Variants in PLCB1 observed in about 807,000 individuals in gnomAD.
PLCB1 encodes phospholipase C beta 1, also known as 1-phosphatidylinositol 4,5-bisphosphate phosphodiesterase beta-1.
PLCB1 carries 46 observed loss-of-function variants against 161.8 expected under a neutral mutation model. The ratio of observed to expected loss-of-function variants is 0.28; its 90% CI spans 0.22 to 0.36. The LOEUF (loss-of-function observed/expected upper bound fraction) is 0.36, where lower values mean the gene tolerates loss of function less well. Among genes scored for constraint, PLCB1 ranks in the 10% least tolerant of loss-of-function variants. PLCB1 has a pLI of 1.00. For missense variants in PLCB1, 1,016 were observed against 1,472.5 expected, an observed-to-expected ratio of 0.69 and a Z score of 5.07; for synonymous variants, 517 against 503.7, an observed-to-expected ratio of 1.03 and a Z score of -0.35.
chr20:8,510,544 C>T (rs547278807), intron 3 of PLCB1, among the ~76,000 whole-genome samples: 1 of 152,098 alleles, frequency 6.6e-6, no homozygotes, highest in African/African-American at 2.4e-5. Context: ...GGCCACCACG[C>T]CCAGCTAATT....
At chr20:8,443,548 C>A (rs1980666516) in intron 3 of PLCB1, among the ~76,000 whole-genome samples, 2 of 152,194 alleles carry the variant, frequency 1.3e-5, no homozygotes, top group African/African-American at 4.8e-5. Context: ...CATCTGCTAT[C>A]TTTTGGATCT....
intron 2 of PLCB1, among the ~76,000 whole-genome samples, chr20:8,218,224 G>A (rs1008370965): frequency 6.6e-6 from 1 of 152,102 alleles, no homozygotes; most frequent in Non-Finnish European, 1.5e-5. Flanking sequence ...TGCAAGTATG[G>A]TTTCTAAAAG....
chr20:8,199,469 G>A (rs935631864), intron 2 of PLCB1, among the ~76,000 whole-genome samples: 4 of 152,120 alleles, frequency 2.6e-5, no homozygotes, highest in Non-Finnish European at 4.4e-5. Context: ...AATGTTTGCC[G>A]AAATAAATCT....
intron 1 of PLCB1, among the ~76,000 whole-genome samples, chr20:8,139,071 T>C (rs991777534): frequency 3.3e-5 from 5 of 149,396 alleles, no homozygotes; most frequent in Non-Finnish European, 7.4e-5. Flanking sequence ...ATCTGTCTTT[T>C]ATTTCAAGGG....
intron 31 of PLCB1, among the ~76,000 whole-genome samples, chr20:8,800,053 C>T (rs1002135232): frequency 1.3e-5 from 2 of 152,138 alleles, no homozygotes; most frequent in Admixed American, 1.3e-4. Context: ...CTGTATTTAC[C>T]TACAGAAAAT....
intron 7 of PLCB1, among the ~76,000 whole-genome samples, chr20:8,655,082 C>T (rs1160501099): frequency 6.6e-6 from 1 of 152,038 alleles, no homozygotes; most frequent in African/African-American, 2.4e-5. Context: ...TATCATCCAA[C>T]TCGCAATGAA....
At chr20:8,297,660 A>G (rs545059488) in intron 2 of PLCB1, among the ~76,000 whole-genome samples, 1 of 152,286 alleles carries the variant, frequency 6.6e-6, no homozygotes, top group South Asian at 2.1e-4. Flanking sequence ...GGATATCAGT[A>G]TCATTAATGC....
intron 2 of PLCB1, among the ~76,000 whole-genome samples, chr20:8,230,048 C>A (rs1979929074): frequency 2.2e-5 from 2 of 92,366 alleles, no homozygotes; most frequent in Non-Finnish European, 2.0e-5. Flanking sequence ...AGAGTTGCGA[C>A]TTGGCAGCAA....
At chr20:8,800,365 T>C (rs1483523694) in intron 31 of PLCB1, among the ~76,000 whole-genome samples, 2 of 152,200 alleles carry the variant, frequency 1.3e-5, no homozygotes, top group Non-Finnish European at 2.9e-5. Context: ...TTATAATCAT[T>C]AGTTGAGGTT....
intron 2 of PLCB1, among the ~76,000 whole-genome samples, chr20:8,273,775 G>A (rs371710167): frequency 5.9e-5 from 9 of 152,108 alleles, no homozygotes; most frequent in Non-Finnish European, 1.2e-4. Flanking sequence ...TTTAAAAACC[G>A]GAGTGAGCAT....
At chr20:8,826,242 T>C (rs1467287337) in intron 31 of PLCB1, among the ~76,000 whole-genome samples, 1 of 152,050 alleles carries the variant, frequency 6.6e-6, no homozygotes, top group Non-Finnish European at 1.5e-5. Context: ...ACATCTGTAA[T>C]CCCAGCACTT....
intron 2 of PLCB1, among the ~76,000 whole-genome samples, chr20:8,267,730 C>T (rs1982044462): frequency 6.6e-6 from 1 of 152,004 alleles, no homozygotes; most frequent in Non-Finnish European, 1.5e-5. Context: ...GGCTCAGGAG[C>T]CCAGATTACA....
At chr20:8,730,812 T>A (rs891361315) in intron 18 of PLCB1, among the ~76,000 whole-genome samples, 3 of 151,888 alleles carry the variant, frequency 2.0e-5, no homozygotes, top group African/African-American at 7.2e-5. Context: ...TTTCTTAGAC[T>A]GAATCTTTCT....
intron 11 of PLCB1, among the ~76,000 whole-genome samples, chr20:8,698,184 G>A (rs969064695): frequency 6.6e-6 from 1 of 152,152 alleles, no homozygotes; most frequent in Non-Finnish European, 1.5e-5. Flanking sequence ...AACTTGGGGA[G>A]TACCTGAAAC....
At chr20:8,406,261 G>A (rs1324418752) in intron 3 of PLCB1, among the ~76,000 whole-genome samples, 1 of 152,128 alleles carries the variant, frequency 6.6e-6, no homozygotes, top group East Asian at 1.9e-4. Context: ...AGTGATAAAA[G>A]CTGTTTCTCT....
At chr20:8,136,565 G>T (rs2051351277) in intron 1 of PLCB1, among the ~76,000 whole-genome samples, 1 of 151,408 alleles carries the variant, frequency 6.6e-6, no homozygotes, top group South Asian at 2.1e-4. Flanking sequence ...GGCGGAGCTT[G>T]CAGTGAGCCG....
intron 2 of PLCB1, among the ~76,000 whole-genome samples, chr20:8,190,831 T>G (rs2051962554): frequency 6.6e-6 from 1 of 152,108 alleles, no homozygotes; most frequent in Non-Finnish European, 1.5e-5. Context: ...CTCAAGGTCA[T>G]TCTGCAGCTT....
intron 9 of PLCB1, among the ~76,000 whole-genome samples, chr20:8,662,415 T>G (rs191951942): frequency 0.021 from 2,620 of 127,474 alleles, 104 homozygotes; most frequent in African/African-American, 0.073. Flanking sequence ...TTATGTATAA[T>G]ATATAATTAT....
Position 8,417,126 on chromosome 20 carries a change from G to A in PLCB1, c.246+45676G>A, listed in dbSNP as rs10153974. ...TTTTGAGATGGAGTCTCACTCTGTC[G>A]CCCAGGCTGGAGTGCAGTGGCGCAA... On this transcript the variant is annotated intron_variant, in intron 3 of 31. Transcript: ENST00000338037. 4.4e-3 allele frequency among the ~76,000 whole-genome samples: 463 copies of A among 105,386 alleles called. 1 individual carries two copies. The highest frequency in any genetic ancestry group is 0.016 in the African/African-American group (425 of 26,728). 69.1% of individuals were successfully genotyped at this position (105,386 alleles called of 152,430 possible).
Sources: gnomAD v4.1 joint callset for allele counts (sites outside exome capture counted in the v4.1 genomes callset) on GRCh38, gnomAD v4.1.1 for gene constraint, MANE v1.5 for transcripts, NCBI Gene and HGNC (gene_info 2026-07-23, HGNC 2026-07-21) for gene names.